Variants in EEA1 observed in about 807,000 individuals in gnomAD.
The protein encoded by EEA1 is early endosome antigen 1, 162kD.
In EEA1, 111 loss-of-function variants were observed where a neutral mutation model predicts 209.2. The ratio of observed to expected loss-of-function variants is 0.53; its 90% CI spans 0.45 to 0.62. The LOEUF (loss-of-function observed/expected upper bound fraction) is 0.62. EEA1 is among the 20% of genes least tolerant of loss of function. EEA1 has a pLI of 0.00. For missense variants in EEA1, 1,343 were observed against 1,530.8 expected (o/e 0.88, Z 2.05); for synonymous variants, 536 against 540.6 (o/e 0.99, Z 0.12).
At chr12:92,861,272 A>G (rs902981990) in intron 3 of EEA1, among the ~76,000 whole-genome samples, 12 of 152,334 alleles carry the variant, frequency 7.9e-5, no homozygotes, top group African/African-American at 2.4e-4. Context: ...CCTGACCAAC[A>G]TGGAGAAACC....
rs1488484661 is a variant in EEA1 at position 92,864,945 on chromosome 12, C to T, written c.160G>A (p.Asp54Asn). Residue 54 changes from aspartate to asparagine, a missense_variant, in exon 3 of 29, where the codon GAT (aspartate) becomes AAT (asparagine). Physicochemically the swap from Asp to Asn is conservative, Grantham distance 23. Transcript: ENST00000322349. ...GCTTCATAATGTTTGAAAAGTTCAT[C>T]AGCAGATCCAAGAGATTTCATACAC... ...PQCMKSLGSADELFKHYEAVH... is the reference protein window; with the variant it reads ...PQCMKSLGSANELFKHYEAVH... The T allele has an allele frequency of 6.2e-7, 1 of 1,611,322 alleles. No homozygotes were observed. The highest frequency in any genetic ancestry group is 1.7e-5 in the Admixed American group (1 of 59,694).
In EEA1 at chr12:92,773,472, G is replaced by A. The variant is rs1592694344; in HGVS notation, c.*2539C>T. Reference sequence around the variant, plus strand: ...TGTTTCCCTCATTTTTTCTTCAAAGGAACAAATCCTATACCAGCAGCTTTG... The same window carrying A: ...TGTTTCCCTCATTTTTTCTTCAAAGAAACAAATCCTATACCAGCAGCTTTG... On this transcript the variant is annotated 3_prime_UTR_variant, in exon 29 of 29. Coordinates refer to ENST00000322349, the MANE Select transcript of EEA1 (RefSeq NM_003566.4). 6.6e-6 allele frequency: 1 copy of A among 151,776 alleles called. No homozygotes were observed. The highest frequency in any genetic ancestry group is 1.9e-4 in the East Asian group (1 of 5,182). 9.4% of individuals were successfully genotyped at this position (151,776 alleles called of 1,614,324 possible).
chr12:92,914,473 C>A (rs2136780431), intron 1 of EEA1, among the ~76,000 whole-genome samples: 1 of 152,102 alleles, frequency 6.6e-6, no homozygotes. Flanking sequence ...TTTGGTTCCA[C>A]ACGAATTTTA....
intron 22 of EEA1, among the ~76,000 whole-genome samples, chr12:92,785,275 C>T (rs945021096): frequency 1.3e-5 from 2 of 152,018 alleles, no homozygotes; most frequent in Non-Finnish European, 2.9e-5. Context: ...ATAAATAATC[C>T]AGCAGATGGG....
chr12:92,861,943 T>C (rs1023177783), intron 3 of EEA1, among the ~76,000 whole-genome samples: 1 of 152,310 alleles, frequency 6.6e-6, no homozygotes, highest in Middle Eastern at 3.4e-3. Flanking sequence ...CATCTACATA[T>C]GTACATTTAA....
intron 9 of EEA1, among the ~76,000 whole-genome samples, chr12:92,848,717 C>G (rs1877482709): frequency 7.7e-6 from 1 of 130,260 alleles, no homozygotes; most frequent in Admixed American, 8.4e-5. Context: ...ATATTATATT[C>G]TCACCTTTTT....
In EEA1 at chr12:92,772,900, T is replaced by A. The variant is rs1482436230; in HGVS notation, c.*3111A>T. On this transcript the variant is annotated 3_prime_UTR_variant, in exon 29 of 29. Transcript: ENST00000322349. Reference sequence around the variant, plus strand: ...TTATTACTTCTACACAGAAAGAACTTAGTGACTTCTAATTCTATTTTATAC... The same window carrying A: ...TTATTACTTCTACACAGAAAGAACTAAGTGACTTCTAATTCTATTTTATAC... 1 of 152,314 alleles carries A rather than the reference T, an allele frequency of 6.6e-6. No individual in the cohort carries two copies. Among genetic ancestry groups the A allele is most frequent in the Non-Finnish European group, 1.5e-5 (1 of 67,778 alleles). 9.4% of individuals were successfully genotyped at this position (152,314 alleles called of 1,614,324 possible).
rs373819105 is a variant in EEA1, at chr12:92,808,585, C to T, written c.2339+432G>A. Reference sequence around the variant, plus strand: ...CCCAAGCTCAAGCAATCTTGCTATGCTACCCAGGCTGAGAAGATCACTTCT... The same window carrying T: ...CCCAAGCTCAAGCAATCTTGCTATGTTACCCAGGCTGAGAAGATCACTTCT... On this transcript the variant is annotated intron_variant, in intron 18 of 28. Coordinates refer to ENST00000322349, the MANE Select transcript of EEA1 (RefSeq NM_003566.4). Among the ~76,000 whole-genome samples the T allele has an allele frequency of 6.6e-5, 10 of 151,774 alleles. No individual in the cohort carries two copies. In the East Asian group the frequency reaches 9.7e-4, roughly 15 times the overall value.
intron 21 of EEA1, among the ~76,000 whole-genome samples, chr12:92,796,697 G>T (rs1179435736): frequency 1.3e-5 from 2 of 152,004 alleles, no homozygotes; most frequent in African/African-American, 4.8e-5. Flanking sequence ...TTCACCATGG[G>T]CCAGTGACAA....
intron 17 of EEA1, among the ~76,000 whole-genome samples, chr12:92,809,523 TAAAAAAAAAA>T (rs57998627): frequency 9.3e-6 from 1 of 107,024 alleles, no homozygotes; most frequent in East Asian, 2.7e-4. Context: ...TTATCTCTAC[TAAAAAAAAAA>T]AAAAAAAAAA....
At chr12:92,882,006 C>A (rs1879167909) in intron 2 of EEA1, among the ~76,000 whole-genome samples, 1 of 152,080 alleles carries the variant, frequency 6.6e-6, no homozygotes, top group Non-Finnish European at 1.5e-5. Flanking sequence ...AAATGAAGAC[C>A]TTTATGACCT....
At chr12:92,914,489 G>A (rs1232107631) in intron 1 of EEA1, among the ~76,000 whole-genome samples, 1 of 151,982 alleles carries the variant, frequency 6.6e-6, no homozygotes, top group Non-Finnish European at 1.5e-5. Context: ...TTTTAGAATT[G>A]TTTTTTCTAA....
chr12:92,896,301 A>G (rs568635221), intron 1 of EEA1, among the ~76,000 whole-genome samples: 59 of 152,282 alleles, frequency 3.9e-4, no homozygotes, highest in African/African-American at 1.3e-3. Context: ...TAAAACTTTA[A>G]TGGAGGAGGA....
intron 1 of EEA1, among the ~76,000 whole-genome samples, chr12:92,924,714 G>T (rs536219530): frequency 1.3e-5 from 2 of 151,710 alleles, no homozygotes; most frequent in South Asian, 2.1e-4. Context: ...CAAGCAAAAG[G>T]CCACTGGAAT....
rs1873569560 is a variant in EEA1, at chr12:92,774,465, T to C, written c.*1546A>G. The C allele has an allele frequency of 6.6e-6, 1 of 151,644 alleles. No individual in the cohort carries two copies. The highest frequency in any genetic ancestry group is 1.5e-5 in the Non-Finnish European group (1 of 67,608). The allele number at this position is 151,644 out of a possible 1,614,324, so 9.4% of individuals were successfully genotyped here. The stretch of plus-strand genomic sequence containing the variant: ...GAACTATTATAAATGAAATATTAAC[T>C]ACTGTTATAAAATGATTGCACTGAA... On this transcript the variant is annotated 3_prime_UTR_variant, in exon 29 of 29. Transcript: ENST00000322349.
chr12:92,884,959 G>GT (rs1879317727), intron 2 of EEA1, among the ~76,000 whole-genome samples: 2 of 36,802 alleles, frequency 5.4e-5, no homozygotes, highest in Admixed American at 4.2e-4. Context: ...TTTCAATGTA[G>GT]ATTTTTTTTT....
At chr12:92,888,049 C>A (rs1879486678) in intron 2 of EEA1, among the ~76,000 whole-genome samples, 1 of 152,030 alleles carries the variant, frequency 6.6e-6, no homozygotes, top group South Asian at 2.1e-4. Context: ...AGAAAAGGAT[C>A]CCTTCAATAG....
At chr12:92,899,404 ACCT>A (rs1278196591) in intron 1 of EEA1, among the ~76,000 whole-genome samples, 7 of 152,162 alleles carry the variant, frequency 4.6e-5, no homozygotes, top group Admixed American at 1.3e-4. Flanking sequence ...CCTGAGCACT[ACCT>A]CCTGCCTCAG....
intron 2 of EEA1, among the ~76,000 whole-genome samples, chr12:92,878,917 A>G (rs996607006): frequency 6.6e-6 from 1 of 152,202 alleles, no homozygotes; most frequent in Non-Finnish European, 1.5e-5. Context: ...GAAACAGAGA[A>G]TCTGAGTAAT....
Sources: allele counts gnomAD v4.1 joint callset (sites outside exome capture counted in the v4.1 genomes callset), GRCh38; gene constraint gnomAD v4.1.1; transcripts MANE v1.5; gene names NCBI Gene and HGNC (gene_info 2026-07-23, HGNC 2026-07-21).